Variants in LRRFIP1 observed in about 807,000 individuals in gnomAD.
LRRFIP1 encodes the protein LRR binding FLII interacting protein 1, also known as leucine-rich repeat flightless-interacting protein 1.
Under a neutral mutation model 104.4 loss-of-function variants are expected in LRRFIP1, and 62 were observed. That is an observed-to-expected ratio of 0.59 (90% confidence interval 0.48 to 0.73). The LOEUF (loss-of-function observed/expected upper bound fraction) is 0.73. Among genes scored for constraint, LRRFIP1 ranks in the 30% least tolerant of loss-of-function variants. The pLI, the probability that LRRFIP1 is intolerant of heterozygous loss-of-function variation, is 0.00. For missense variants in LRRFIP1, 796 were observed against 824.5 expected (o/e 0.97, Z 0.42); for synonymous variants, 300 against 299.0 (o/e 1.00, Z -0.03).
Position 237,703,894 on chromosome 2 carries a change from G to A in LRRFIP1, c.97-4650G>A, listed in dbSNP as rs548321615. On this transcript the variant is annotated intron_variant, in intron 1 of 23. Coordinates refer to ENST00000308482, the MANE Select transcript of LRRFIP1 (RefSeq NM_001137550.2). The surrounding 1 kb of genome is among the most constrained non-coding windows in gnomAD (Gnocchi z 4.3). ...GGCTACTCACAGAAAGTGACAGGCC[G>A]TGTTCAGAAGCTCTTCAAGCAGTCT... 2.9e-4 allele frequency among the ~76,000 whole-genome samples: 44 copies of A among 152,280 alleles called. No homozygotes were observed. The highest frequency in any genetic ancestry group is 3.4e-3 in the Middle Eastern group (1 of 294).
chr2:237,683,822 C>T (rs992084371), intron 1 of LRRFIP1, among the ~76,000 whole-genome samples: 1 of 152,192 alleles, frequency 6.6e-6, no homozygotes, highest in African/African-American at 2.4e-5. Context: ...AGTCAGGGAG[C>T]CTGGAAGCCA....
intron 1 of LRRFIP1, among the ~76,000 whole-genome samples, chr2:237,664,690 C>T (rs1023951471): frequency 4.6e-5 from 7 of 152,206 alleles, no homozygotes; most frequent in African/African-American, 1.2e-4. Context: ...TTCTACCCAA[C>T]GGCTGCATAG....
At chr2:237,737,252 T>TAGAG (rs990357238) in intron 10 of LRRFIP1, among the ~76,000 whole-genome samples, 7 of 152,116 alleles carry the variant, frequency 4.6e-5, no homozygotes, top group African/African-American at 1.4e-4. Flanking sequence ...AAAGTGGAAA[T>TAGAG]AAGAAGCCCA....
intron 17 of LRRFIP1, 88 bp downstream of exon 17, chr2:237,757,636 G>A (rs1434003818): frequency 2.7e-5 from 25 of 926,052 alleles, no homozygotes; most frequent in South Asian, 2.7e-4. Context: ...TTGCAAAACC[G>A]CTTGTCTGAG....
intron 11 of LRRFIP1, among the ~76,000 whole-genome samples, chr2:237,747,628 ATCT>A (rs1488541903): frequency 1.3e-5 from 2 of 152,124 alleles, no homozygotes; most frequent in Non-Finnish European, 2.9e-5. Context: ...CATCTCTCAG[ATCT>A]TCTGAATCAA....
intron 1 of LRRFIP1, among the ~76,000 whole-genome samples, chr2:237,704,817 G>A (rs1484929786): frequency 6.6e-6 from 1 of 151,994 alleles, no homozygotes; most frequent in African/African-American, 2.4e-5. Flanking sequence ...TCTTGGAGGT[G>A]GGCTTGCGTG....
rs116438969 is a variant in LRRFIP1, at chr2:237,661,942, A to G, written c.96+34202A>G. Reference sequence around the variant, plus strand: ...AGTCCTCGTGCACCTAGCGTGACCCATGACAGCATGCAGGTGTTGGTCTGT... The same window carrying G: ...AGTCCTCGTGCACCTAGCGTGACCCGTGACAGCATGCAGGTGTTGGTCTGT... On this transcript the variant is annotated intron_variant, in intron 1 of 23. Transcript: ENST00000308482. This position sits in a 1 kb window ranked among gnomAD's most constrained non-coding sequence, Gnocchi z 4.4. Among the ~76,000 whole-genome samples, 1,366 of 152,360 alleles carry G rather than the reference A, an allele frequency of 9.0e-3. 25 individuals carry two copies. The highest frequency in any genetic ancestry group is 0.031 in the African/African-American group (1,308 of 41,586).
intron 19 of LRRFIP1, chr2:237,765,348 A>T: frequency 2.6e-6 from 1 of 380,630 alleles, no homozygotes; most frequent in Non-Finnish European, 3.5e-6. Flanking sequence ...AGGTGGGAGG[A>T]TTGCTTGAGG....
At chr2:237,759,691 T>C (rs978023163) in intron 18 of LRRFIP1, among the ~76,000 whole-genome samples, 1 of 152,240 alleles carries the variant, frequency 6.6e-6, no homozygotes, top group African/African-American at 2.4e-5. Flanking sequence ...CTGGTTTCTC[T>C]TTTTAAAGAA....
At chr2:237,635,446 A>G (rs2082947192) in intron 1 of LRRFIP1, among the ~76,000 whole-genome samples, 1 of 152,206 alleles carries the variant, frequency 6.6e-6, no homozygotes, top group Admixed American at 6.5e-5. Context: ...CAGGTTGTCA[A>G]GTGCCACTCT....
chr2:237,744,463 T>C (rs2057536791), intron 11 of LRRFIP1, among the ~76,000 whole-genome samples: 1 of 152,208 alleles, frequency 6.6e-6, no homozygotes, highest in Non-Finnish European at 1.5e-5. Flanking sequence ...AGCTGGAACA[T>C]GGAAAACTTA....
chr2:237,750,209 C>G (rs1267247648), intron 13 of LRRFIP1, among the ~76,000 whole-genome samples: 1 of 152,100 alleles, frequency 6.6e-6, no homozygotes, highest in African/African-American at 2.4e-5. Context: ...CTTCCAACAC[C>G]TATGTTTTAT....
At chr2:237,639,819 G>C (rs942260080) in intron 1 of LRRFIP1, among the ~76,000 whole-genome samples, 1 of 152,182 alleles carries the variant, frequency 6.6e-6, no homozygotes, top group African/African-American at 2.4e-5. Flanking sequence ...CTGTCCTGGG[G>C]GGCGCTGTCC....
chr2:237,742,814 G>A (rs1024782342), intron 11 of LRRFIP1, among the ~76,000 whole-genome samples: 10 of 152,120 alleles, frequency 6.6e-5, no homozygotes, highest in East Asian at 5.8e-4. Context: ...TGGTGTAAGC[G>A]TGGTGGCAAA....
In LRRFIP1 at chr2:237,735,394, C is replaced by T. The variant is rs149437819; in HGVS notation, c.555+61C>T. On this transcript the variant is annotated intron_variant, in intron 10 of 23. Coordinates refer to ENST00000308482, the MANE Select transcript of LRRFIP1 (RefSeq NM_001137550.2). This position sits in a 1 kb window ranked among gnomAD's most constrained non-coding sequence, Gnocchi z 4.6. ...GCCTGCTGCATGGCCTGGGGATGCT[C>T]GCTGGGCAGGGTCCAGCCGTGGGGG... 1,967 of 1,525,844 alleles carry T rather than the reference C, an allele frequency of 1.3e-3. 22 individuals are homozygous for T. The African/African-American group carries it at 0.022, about 17-fold the overall frequency. 94.5% of individuals were successfully genotyped at this position (1,525,844 alleles called of 1,614,324 possible). A position where few individuals can be genotyped will look rare whatever the true frequency, so the allele number is the denominator to read the frequency against.
intron 6 of LRRFIP1, chr2:237,722,114 G>A (rs953843399): frequency 2.0e-5 from 3 of 152,204 alleles, no homozygotes; most frequent in African/African-American, 4.8e-5. Flanking sequence ...GAGGGGGAGC[G>A]ACCGAGAGAG....
chr2:237,721,120 G>T, intron 6 of LRRFIP1: 1 of 315,744 alleles, frequency 3.2e-6, no homozygotes, highest in South Asian at 4.9e-5. Context: ...AGTTGTCTCA[G>T]CACATTGGTG....
chr2:237,639,998 C>T (rs1249794531), intron 1 of LRRFIP1, among the ~76,000 whole-genome samples: 1 of 152,176 alleles, frequency 6.6e-6, no homozygotes, highest in Non-Finnish European at 1.5e-5. Context: ...TCCCCTGCCA[C>T]ACTGCTGGGT....
chr2:237,650,377 G>A (rs1252466710), intron 1 of LRRFIP1, among the ~76,000 whole-genome samples: 1 of 151,952 alleles, frequency 6.6e-6, no homozygotes, highest in African/African-American at 2.4e-5. Flanking sequence ...GGCTGTGTAG[G>A]CAGCAGTAAG....
Sources: allele counts gnomAD v4.1 joint callset (sites outside exome capture counted in the v4.1 genomes callset), GRCh38; gene constraint gnomAD v4.1.1; non-coding constraint Gnocchi (gnomAD v3.1); transcripts MANE v1.5; gene names NCBI Gene and HGNC (gene_info 2026-07-23, HGNC 2026-07-21).